Variants in PDE10A observed in about 807,000 individuals in gnomAD.
The protein encoded by PDE10A is cAMP and cAMP-inhibited cGMP 3',5'-cyclic phosphodiesterase 10A.
In PDE10A, 39 loss-of-function variants were observed where a neutral mutation model predicts 97.7. The ratio of observed to expected loss-of-function variants is 0.40; its 90% CI spans 0.31 to 0.52. The LOEUF (loss-of-function observed/expected upper bound fraction) is 0.52, where lower values mean the gene tolerates loss of function less well. Ranked by LOEUF, PDE10A falls within the 20% of genes least tolerant of loss-of-function variation. The pLI is 0.56. For missense variants in PDE10A, 731 were observed against 1,047.8 expected (o/e 0.70, Z 4.17); for synonymous variants, 371 against 376.8 (o/e 0.98, Z 0.18).
chr6:165,424,992 AAAAT>A (rs140193071), intron 10 of PDE10A, among the ~76,000 whole-genome samples: 6,175 of 152,292 alleles, frequency 0.041, 159 homozygotes, highest in Middle Eastern at 0.089. Context: ...CACATCAAGG[AAAAT>A]AAATATATTC....
upstream of PDE10A, among the ~76,000 whole-genome samples, chr6:165,666,908 G>A (rs142254946): frequency 1.8e-4 from 28 of 152,312 alleles, no homozygotes; most frequent in African/African-American, 6.0e-4. Flanking sequence ...AGCCTTTAAT[G>A]AAGGCCAGCA....
intron 1 of PDE10A, among the ~76,000 whole-genome samples, chr6:165,609,586 C>A (rs1787392240): frequency 6.6e-6 from 1 of 152,196 alleles, no homozygotes; most frequent in Non-Finnish European, 1.5e-5. Context: ...TTGCAGACGA[C>A]ATGATTGTAT....
At chr6:165,470,461 T>C (rs1778923107) in intron 3 of PDE10A, among the ~76,000 whole-genome samples, 1 of 152,228 alleles carries the variant, frequency 6.6e-6, no homozygotes, top group Non-Finnish European at 1.5e-5. Context: ...ATTAAAAACT[T>C]TGTCCTGAAA....
At chr6:165,377,147 G>A (rs1373550852) in intron 18 of PDE10A, among the ~76,000 whole-genome samples, 3 of 152,070 alleles carry the variant, frequency 2.0e-5, no homozygotes, top group African/African-American at 7.2e-5. Flanking sequence ...TAGAACACAT[G>A]GTGTAAATAC....
chr6:165,856,346 GC>G (rs1780734435), intron 1 of PDE10A, among the ~76,000 whole-genome samples: 1 of 152,152 alleles, frequency 6.6e-6, no homozygotes, highest in African/African-American at 2.4e-5. Context: ...GGTGTCACCA[GC>G]CCTTCTGGTA....
chr6:165,944,466 T>C (rs1783693565), intron 1 of PDE10A, among the ~76,000 whole-genome samples: 1 of 152,244 alleles, frequency 6.6e-6, no homozygotes, highest in Non-Finnish European at 1.5e-5. Context: ...ACAAGCAAAC[T>C]TCAGGTCTTT....
intron 1 of PDE10A, among the ~76,000 whole-genome samples, chr6:165,793,515 C>T (rs1035834604): frequency 2.6e-5 from 4 of 152,114 alleles, no homozygotes; most frequent in African/African-American, 9.7e-5. Flanking sequence ...GCACACCTGA[C>T]AGTGCGCTCC....
intron 1 of PDE10A, among the ~76,000 whole-genome samples, chr6:165,844,177 G>A (rs1554331351): frequency 2.0e-5 from 3 of 152,178 alleles, no homozygotes; most frequent in South Asian, 2.1e-4. Flanking sequence ...AAGCCCATTT[G>A]TCCCTGGGGC....
At chr6:165,650,457 A>G (rs1283559296) in intron 1 of PDE10A, among the ~76,000 whole-genome samples, 1 of 151,380 alleles carries the variant, frequency 6.6e-6, no homozygotes, top group African/African-American at 2.4e-5. Context: ...TCACAAATAC[A>G]AGTATATGCT....
intron 18 of PDE10A, among the ~76,000 whole-genome samples, chr6:165,360,894 T>TCC (rs1168644933): frequency 6.6e-6 from 1 of 152,094 alleles, no homozygotes; most frequent in African/African-American, 2.4e-5. Context: ...ACCAATGCTG[T>TCC]CCCCTTTGAG....
chr6:165,455,668 T>C (rs1173569826), intron 3 of PDE10A, among the ~76,000 whole-genome samples: 2 of 152,162 alleles, frequency 1.3e-5, no homozygotes, highest in Non-Finnish European at 2.9e-5. Context: ...TTCTCTTAGG[T>C]TGTGTGTATT....
At chr6:165,472,626 A>G (rs928560554) in intron 3 of PDE10A, among the ~76,000 whole-genome samples, 1 of 152,144 alleles carries the variant, frequency 6.6e-6, no homozygotes, top group African/African-American at 2.4e-5. Flanking sequence ...TGGGTTTAAA[A>G]AGCCGTTTTT....
rs1779504123 is a variant in PDE10A, at chr6:165,819,339, C to T, written c.-615+168190G>A. ...GTATTTCTCCTTTCTTTAAAATCCCCACTTCCCCTGAGAGATTCAGATGCT... is the reference window on the plus strand; with the variant it reads ...GTATTTCTCCTTTCTTTAAAATCCCTACTTCCCCTGAGAGATTCAGATGCT... On this transcript the variant is annotated intron_variant, in intron 1 of 19. Transcript: ENST00000366882. This position sits in a 1 kb window ranked among gnomAD's most constrained non-coding sequence, Gnocchi z 4.2. Among the ~76,000 whole-genome samples the T allele has an allele frequency of 2.6e-5, 4 of 152,326 alleles. No individual in the cohort carries two copies. In the South Asian group the frequency reaches 8.3e-4, roughly 32 times the overall value.
chr6:165,930,199 C>G (rs955984647), intron 1 of PDE10A, among the ~76,000 whole-genome samples: 9 of 152,226 alleles, frequency 5.9e-5, no homozygotes, highest in African/African-American at 2.2e-4. Flanking sequence ...CCCTGAGCCA[C>G]TGATGAATGA....
At chr6:165,454,932 G>A (rs1379404474) in intron 3 of PDE10A, among the ~76,000 whole-genome samples, 2 of 151,998 alleles carry the variant, frequency 1.3e-5, no homozygotes, top group Non-Finnish European at 2.9e-5. Context: ...CAATTCACAG[G>A]CCCAGAACTC....
intron 1 of PDE10A, among the ~76,000 whole-genome samples, chr6:165,575,357 C>T (rs1041867578): frequency 6.6e-6 from 1 of 152,190 alleles, no homozygotes; most frequent in East Asian, 1.9e-4. Flanking sequence ...CATCCGGACA[C>T]AGCATGATCA....
chr6:165,684,170 C>T (rs1193350268), intron 1 of PDE10A, among the ~76,000 whole-genome samples: 3 of 152,200 alleles, frequency 2.0e-5, no homozygotes, highest in Non-Finnish European at 4.4e-5. Flanking sequence ...TAATGCTTAT[C>T]AGCACCTGGC....
intron 5 of PDE10A, among the ~76,000 whole-genome samples, chr6:165,443,505 G>A (rs900261613): frequency 1.3e-5 from 2 of 152,120 alleles, no homozygotes; most frequent in African/African-American, 2.4e-5. Flanking sequence ...TAATCCAGGC[G>A]CATGGTGGAA....
chr6:165,661,668 G>A lies in PDE10A; in HGVS notation c.865+279C>T. The A allele has an allele frequency of 2.4e-6, 1 of 410,602 alleles. No individual in the cohort carries two copies. The highest frequency in any genetic ancestry group is 4.3e-6 in the Non-Finnish European group (1 of 233,558). 25.4% of individuals were successfully genotyped at this position (410,602 alleles called of 1,614,324 possible). ...GGCGGAGAAGGAGGCGGCAGGTCCC[G>A]CTCGCAACGTCCAAGCTCCCGCCGC... On this transcript the variant is annotated intron_variant, in intron 1 of 21. Transcript: ENST00000539869. The surrounding 1 kb of genome is among the most constrained non-coding windows in gnomAD (Gnocchi z 4.8).
Sources: allele counts gnomAD v4.1 joint callset (sites outside exome capture counted in the v4.1 genomes callset), GRCh38; gene constraint gnomAD v4.1.1; non-coding constraint Gnocchi (gnomAD v3.1); transcripts MANE v1.5; gene names NCBI Gene and HGNC (gene_info 2026-07-23, HGNC 2026-07-21).